Variants in RBM19 observed in about 807,000 individuals in gnomAD.
The protein encoded by RBM19 is probable RNA-binding protein 19.
In RBM19, 94 loss-of-function variants were observed where a neutral mutation model predicts 116.8. The ratio of observed to expected loss-of-function variants is 0.80; its 90% confidence interval spans 0.68 to 0.95. The LOEUF (loss-of-function observed/expected upper bound fraction) is 0.95. RBM19 is among the 40% of genes least tolerant of loss of function. The pLI is 0.00. For missense variants in RBM19, 1,161 were observed against 1,220.7 expected (o/e 0.95, Z 0.73); for synonymous variants, 475 against 494.1 (o/e 0.96, Z 0.51).
intron 23 of RBM19, among the ~76,000 whole-genome samples, chr12:113,830,161 GC>G (rs934099913): frequency 6.6e-6 from 1 of 152,198 alleles, no homozygotes; most frequent in Non-Finnish European, 1.5e-5. Flanking sequence ...CACTAGCCCA[GC>G]CTCCCTAGGA....
At chr12:113,931,788 G>A (rs1291063207) in intron 16 of RBM19, among the ~76,000 whole-genome samples, 1 of 152,172 alleles carries the variant, frequency 6.6e-6, no homozygotes, top group African/African-American at 2.4e-5. Flanking sequence ...CCTCCCCACA[G>A]GGAGCTCATC....
At chr12:113,886,104 C>T (rs1346705963) in intron 21 of RBM19, among the ~76,000 whole-genome samples, 1 of 152,048 alleles carries the variant, frequency 6.6e-6, no homozygotes, top group African/African-American at 2.4e-5. Context: ...ATCTCTTGAC[C>T]TTGTGGTCCG....
chr12:113,831,978 C>T (rs532583904), intron 23 of RBM19, among the ~76,000 whole-genome samples: 16 of 152,172 alleles, frequency 1.1e-4, no homozygotes, highest in South Asian at 2.1e-4. Flanking sequence ...ACCACTTGGG[C>T]GCACACTTGG....
At chr12:113,918,576 C>T in intron 19 of RBM19, 129 bp from the exon 20 acceptor site, 2 of 916,462 alleles carry the variant, frequency 2.2e-6, no homozygotes, top group Non-Finnish European at 3.4e-6. Context: ...GTGGGGCTAG[C>T]TGGTCTAGAG....
Position 113,858,087 on chromosome 12 carries a change from C to CCTG in RBM19, c.2664+703_2664+704insCAG, listed in dbSNP as rs879782587. On this transcript the variant is annotated intron_variant, in intron 22 of 23. Transcript: ENST00000261741. ...GATTCTGACCTGGAGCTCAATGCCA[C>CCTG]GAGGGCAGTGGCTTTGGGTACAGCC... 2.3e-3 allele frequency among the ~76,000 whole-genome samples: 355 copies of CCTG among 152,352 alleles called. 1 individual carries two copies. The highest frequency in any genetic ancestry group is 5.2e-3 in the South Asian group (25 of 4,832).
At chr12:113,917,555 A>T (rs1409536128) in intron 20 of RBM19, among the ~76,000 whole-genome samples, 1 of 152,212 alleles carries the variant, frequency 6.6e-6, no homozygotes, top group African/African-American at 2.4e-5. Flanking sequence ...CCCAAGCTGG[A>T]CTCACAGGAA....
At chr12:113,893,921 G>A (rs537073165) in intron 21 of RBM19, among the ~76,000 whole-genome samples, 4 of 152,156 alleles carry the variant, frequency 2.6e-5, no homozygotes, top group South Asian at 2.1e-4. Context: ...TCTTTATTGC[G>A]GCAGAAAGTT....
intron 18 of RBM19, among the ~76,000 whole-genome samples, chr12:113,921,982 G>A (rs1297489889): frequency 3.9e-5 from 6 of 152,180 alleles, no homozygotes; most frequent in Non-Finnish European, 8.8e-5. Context: ...CTGGCATTGC[G>A]GGGTGGGGGG....
At chr12:113,930,220 C>A (rs557440941) in intron 16 of RBM19, among the ~76,000 whole-genome samples, 1 of 152,266 alleles carries the variant, frequency 6.6e-6, no homozygotes, top group Non-Finnish European at 1.5e-5. Flanking sequence ...GCCCTTCCCT[C>A]TTTCTGTCTC....
chr12:113,899,600 CATGGTTGTTTCTGTA>C, intron 21 of RBM19, among the ~76,000 whole-genome samples: 1 of 152,334 alleles, frequency 6.6e-6, no homozygotes, highest in African/African-American at 2.4e-5. Flanking sequence ...TTCTGGAGTT[CATGGTTGTTTCTGTA>C]ACCTAGCACC....
At chr12:113,959,442 A>G (rs749895402) in intron 4 of RBM19, 38 bp from the exon 5 acceptor site, 6 of 1,582,876 alleles carry the variant, frequency 3.8e-6, no homozygotes, top group Non-Finnish European at 5.2e-6. Context: ...GGACACGGGA[A>G]AAAGAGAGAG....
rs549666074 is a variant in RBM19, at chr12:113,927,104, G to T, written c.2194C>A (p.Leu732Met). 9.9e-6 allele frequency: 16 copies of T among 1,613,478 alleles called. No homozygotes were observed. Among genetic ancestry groups the T allele is most frequent in the Non-Finnish European group, 1.4e-5 (16 of 1,180,024 alleles). ...TCAAAATTGAGATTCTTAATAAACA[G>T]AGTACATCCTGGGAGGCTCTCTTCT... The part of the protein sequence containing the change: ...EEEESLPGCT[L>M]FIKNLNFDTT... The change falls in exon 17 of 24, where the codon CTG becomes ATG. Residue 732 changes from leucine (L) to methionine (M), a missense_variant. Coordinates refer to ENST00000261741, the MANE Select transcript of RBM19 (RefSeq NM_016196.4).
At chr12:113,958,985 T>C (rs1872231526) in intron 5 of RBM19, among the ~76,000 whole-genome samples, 1 of 152,256 alleles carries the variant, frequency 6.6e-6, no homozygotes, top group South Asian at 2.1e-4. Context: ...GCCTGAAGTA[T>C]GCCTGGCAGA....
At chr12:113,937,161 T>G in intron 15 of RBM19, 25 bp from the exon 16 acceptor site, 3 of 1,612,850 alleles carry the variant, frequency 1.9e-6, no homozygotes, top group Non-Finnish European at 2.5e-6. Flanking sequence ...GTGATGGCCC[T>G]GTGGGTCTTC....
intron 16 of RBM19, among the ~76,000 whole-genome samples, chr12:113,929,850 C>G (rs1047859836): frequency 6.6e-6 from 1 of 152,120 alleles, no homozygotes; most frequent in Non-Finnish European, 1.5e-5. Context: ...CATCTGTACC[C>G]GAAATCTCAG....
chr12:113,958,147 G>A (rs1872140429), intron 5 of RBM19, 97 bp from the exon 6 acceptor site: 1 of 1,513,634 alleles, frequency 6.6e-7, no homozygotes, highest in South Asian at 1.3e-5. Flanking sequence ...AGAGGCCTGA[G>A]GCACCATGCC....
rs745654956 is a variant in RBM19 at position 113,966,264 on chromosome 12, TGGTCAGCGTC to T, written c.-47_-38del. The T allele has an allele frequency of 5.0e-6, 8 of 1,613,298 alleles. No individual in the cohort carries two copies. The Admixed American group carries it at 1.3e-4, about 27-fold the overall frequency. The stretch of plus-strand genomic sequence containing the variant: ...CCCGCTGTTTTGATTCCAACACGAC[TGGTCAGCGTC>T]TTCCACCAAGTTTCACGCTACCGCC... On this transcript the variant is annotated 5_prime_UTR_variant, in exon 1 of 24. Transcript: ENST00000261741.
At chr12:113,934,725 G>A (rs1033049218) in intron 16 of RBM19, among the ~76,000 whole-genome samples, 4 of 152,156 alleles carry the variant, frequency 2.6e-5, no homozygotes, top group Non-Finnish European at 5.9e-5. Flanking sequence ...GGGGACAAAT[G>A]GGAGCCCCCT....
At chr12:113,951,538 A>C (rs73401057) in intron 8 of RBM19, among the ~76,000 whole-genome samples, 12,892 of 150,204 alleles carry the variant, frequency 0.086, 622 homozygotes, top group South Asian at 0.16. Flanking sequence ...CACACACACA[A>C]ACACACACAC....
Sources: gnomAD v4.1 joint callset for allele counts (sites outside exome capture counted in the v4.1 genomes callset) on GRCh38, gnomAD v4.1.1 for gene constraint, MANE v1.5 for transcripts, NCBI Gene and HGNC (gene_info 2026-07-23, HGNC 2026-07-21) for gene names.